The following PRKCA variants were observed in gnomAD, a reference collection of about 807,000 sequenced individuals.
PRKCA encodes the protein protein kinase C alpha type.
In PRKCA, 27 loss-of-function variants were observed where a neutral mutation model predicts 87.0. That is an observed-to-expected ratio of 0.31 (90% confidence interval 0.23 to 0.43). The LOEUF is 0.43. Ranked by LOEUF, PRKCA falls within the 20% of genes least tolerant of loss-of-function variation. The pLI is 1.00. For missense variants in PRKCA, 518 were observed against 852.3 expected (o/e 0.61, Z 4.88); for synonymous variants, 329 against 311.1 (o/e 1.06, Z -0.61).
At chr17:66,512,968 C>A (rs2144181285) in intron 3 of PRKCA, among the ~76,000 whole-genome samples, 1 of 152,346 alleles carries the variant, frequency 6.6e-6, no homozygotes, top group East Asian at 1.9e-4. Flanking sequence ...TCTGGGATTG[C>A]AGGCGTGAGC....
chr17:66,750,143 A>C (rs1214573515), intron 13 of PRKCA, among the ~76,000 whole-genome samples: 1 of 151,912 alleles, frequency 6.6e-6, no homozygotes, highest in Non-Finnish European at 1.5e-5. Flanking sequence ...GGGGAGAATG[A>C]GATACAGGGA....
At chr17:66,496,097 G>A (rs1302752652) in intron 2 of PRKCA, 104 bp from the exon 3 acceptor site, 2 of 843,974 alleles carry the variant, frequency 2.4e-6, no homozygotes, top group Non-Finnish European at 3.9e-6. Flanking sequence ...TCTGTCTGTA[G>A]TGAAATTAAA....
At chr17:66,429,589 A>AT (rs1011184569) in intron 2 of PRKCA, among the ~76,000 whole-genome samples, 25 of 151,046 alleles carry the variant, frequency 1.7e-4, no homozygotes, top group East Asian at 9.8e-4. Context: ...CATCTAGTCC[A>AT]TTTTTTTTTC....
intron 3 of PRKCA, among the ~76,000 whole-genome samples, chr17:66,583,896 C>A (rs1969519164): frequency 6.6e-6 from 1 of 152,188 alleles, no homozygotes; most frequent in Admixed American, 6.5e-5. Context: ...ACAGCCTAAA[C>A]CCTCTAATAG....
chr17:66,374,134 C>G (rs1015456606), intron 2 of PRKCA, among the ~76,000 whole-genome samples: 2 of 152,104 alleles, frequency 1.3e-5, no homozygotes, highest in African/African-American at 4.8e-5. Context: ...GAAGCACACC[C>G]TTGCTCCCTG....
At chr17:66,696,114 G>T (rs1336314033) in intron 8 of PRKCA, among the ~76,000 whole-genome samples, 1 of 152,172 alleles carries the variant, frequency 6.6e-6, no homozygotes, top group Admixed American at 6.5e-5. Context: ...GCAAACACCC[G>T]CTGTGTGATG....
intron 3 of PRKCA, among the ~76,000 whole-genome samples, chr17:66,609,272 G>T (rs16959702): frequency 0.011 from 1,663 of 152,184 alleles, 25 homozygotes; most frequent in African/African-American, 0.038. Flanking sequence ...CTTCAAGGTA[G>T]CTATTGGCTT....
intron 3 of PRKCA, among the ~76,000 whole-genome samples, chr17:66,530,883 T>C (rs1199010072): frequency 6.6e-6 from 1 of 152,136 alleles, no homozygotes; most frequent in African/African-American, 2.4e-5. Context: ...TTGTGCTCCC[T>C]ACCTTGCCCC....
At chr17:66,798,755 GTGGTGGTGGTGGTGGTGGTGA>G (rs1975771930) in intron 16 of PRKCA, among the ~76,000 whole-genome samples, 1 of 5,778 alleles carries the variant, frequency 1.7e-4, no homozygotes, top group African/African-American at 7.7e-4. Context: ...GGTGGTGGTG[GTGGTGGTGGTGGTGGTGGTGA>G]TGGTGGTGGT....
At chr17:66,377,442 C>T (rs966424337) in intron 2 of PRKCA, among the ~76,000 whole-genome samples, 7 of 151,322 alleles carry the variant, frequency 4.6e-5, no homozygotes, top group African/African-American at 1.5e-4. Context: ...TAATGCAGAG[C>T]CTAGGTACAC....
chr17:66,804,271 C>A lies in PRKCA; in HGVS notation c.*234C>A. Reference sequence around the variant, plus strand: ...GTCATGCTCAGTGTCCAGTTTAATTCTGTAGAAGTTACGTCTGGCTCTAGG... The same window carrying A: ...GTCATGCTCAGTGTCCAGTTTAATTATGTAGAAGTTACGTCTGGCTCTAGG... On this transcript the variant is annotated 3_prime_UTR_variant, in exon 17 of 17. Coordinates refer to ENST00000413366, the MANE Select transcript of PRKCA (RefSeq NM_002737.3). 2.1e-6 allele frequency: 1 copy of A among 486,148 alleles called. No individual in the cohort carries two copies. The highest frequency in any genetic ancestry group is 3.4e-6 in the Non-Finnish European group (1 of 295,336). 30.1% of individuals were successfully genotyped at this position (486,148 alleles called of 1,614,324 possible).
At chr17:66,661,907 C>T (rs763500635) in intron 5 of PRKCA, among the ~76,000 whole-genome samples, 2 of 152,304 alleles carry the variant, frequency 1.3e-5, no homozygotes, top group Non-Finnish European at 1.5e-5. Flanking sequence ...CCTTCCCCTG[C>T]GGCAGCTTTT....
chr17:66,728,910 A>G (rs955397332), intron 8 of PRKCA, among the ~76,000 whole-genome samples: 1 of 152,240 alleles, frequency 6.6e-6, no homozygotes, highest in African/African-American at 2.4e-5. Flanking sequence ...CCCAGGTGAA[A>G]GTAGTTTTTA....
intron 3 of PRKCA, among the ~76,000 whole-genome samples, chr17:66,497,024 T>TA (rs1459367562): frequency 1.4e-4 from 22 of 152,240 alleles, no homozygotes; most frequent in Non-Finnish European, 2.8e-4. Flanking sequence ...GCTCCTGGTT[T>TA]ACTCCAGGGG....
chr17:66,590,974 G>A (rs1969786637), intron 3 of PRKCA, among the ~76,000 whole-genome samples: 1 of 152,066 alleles, frequency 6.6e-6, no homozygotes, highest in Admixed American at 6.6e-5. Context: ...GGAGCACATG[G>A]GCTCTGCTTG....
chr17:66,490,375 C>G (rs1333540107), intron 2 of PRKCA, among the ~76,000 whole-genome samples: 1 of 146,876 alleles, frequency 6.8e-6, no homozygotes, highest in African/African-American at 2.5e-5. Context: ...TGGAGTTTTG[C>G]TCTTGCTACC....
intron 2 of PRKCA, among the ~76,000 whole-genome samples, chr17:66,349,831 A>G (rs1456677031): frequency 6.6e-6 from 1 of 151,970 alleles, no homozygotes; most frequent in African/African-American, 2.4e-5. Context: ...TCTTATTTTT[A>G]GGGCCTTCGT....
At chr17:66,563,420 C>T (rs1034960707) in intron 3 of PRKCA, among the ~76,000 whole-genome samples, 1 of 152,186 alleles carries the variant, frequency 6.6e-6, no homozygotes, top group Non-Finnish European at 1.5e-5. Context: ...TGAAGTCATG[C>T]AGTATGTAGC....
intron 3 of PRKCA, among the ~76,000 whole-genome samples, chr17:66,584,980 A>C (rs1043283352): frequency 2.6e-5 from 4 of 151,898 alleles, no homozygotes; most frequent in Admixed American, 6.6e-5. Flanking sequence ...TTTAATAGGC[A>C]AGAGAAAGAG....
Sources: allele counts gnomAD v4.1 joint callset (sites outside exome capture counted in the v4.1 genomes callset), GRCh38; gene constraint gnomAD v4.1.1; transcripts MANE v1.5; gene names NCBI Gene and HGNC (gene_info 2026-07-23, HGNC 2026-07-21).